PTPRH: variants seen among roughly 807,000 people sequenced by gnomAD.
PTPRH encodes the protein protein tyrosine phosphatase receptor type H, also known as receptor-type tyrosine-protein phosphatase H.
PTPRH carries 113 observed loss-of-function variants against 130.2 expected under a neutral mutation model. That is an observed-to-expected ratio of 0.87 (90% CI 0.75 to 1.01). PTPRH has a LOEUF of 1.01. Among genes scored for constraint, PTPRH ranks in the 50% least tolerant of loss-of-function variants. The probability of loss-of-function intolerance (pLI) is 0.00; values close to 1 mark genes in which losing one functional copy is unlikely to be tolerated. For missense variants in PTPRH, 1,430 were observed against 1,425.0 expected, an observed-to-expected ratio of 1.00 and a Z score of -0.06; for synonymous variants, 556 against 577.9, an observed-to-expected ratio of 0.96 and a Z score of 0.54.
chr19:55,202,365 C>A, intron 5 of PTPRH, 43 bp from the exon 6 acceptor site: 1 of 1,606,296 alleles, frequency 6.2e-7, no homozygotes, highest in African/African-American at 1.3e-5. Flanking sequence ...TAGTTTCTGG[C>A]CCTCAAACTT....
chr19:55,194,592 G>T (rs1478494445), intron 10 of PTPRH, among the ~76,000 whole-genome samples: 1 of 152,098 alleles, frequency 6.6e-6, no homozygotes, highest in Non-Finnish European at 1.5e-5. Flanking sequence ...GAAGCTTATG[G>T]CCATGGTCTT....
rs1600070187 is a variant in PTPRH, at chr19:55,203,186, G to A, written c.886+596C>T. Among the ~76,000 whole-genome samples the A allele has an allele frequency of 2.0e-5, 3 of 151,802 alleles. No homozygotes were observed. In the Middle Eastern group the frequency reaches 0.01, roughly 520 times the overall value. Reference sequence around the variant, plus strand: ...ACTAAAAATACAAAAAATTAGCCAGGTGTGGCGGTGTGCGCCTGTAGTCCC... The same window carrying A: ...ACTAAAAATACAAAAAATTAGCCAGATGTGGCGGTGTGCGCCTGTAGTCCC... On this transcript the variant is annotated intron_variant, in intron 5 of 19. Coordinates refer to ENST00000376350, the MANE Select transcript of PTPRH (RefSeq NM_002842.5).
intron 10 of PTPRH, among the ~76,000 whole-genome samples, chr19:55,192,225 AC>A (rs1255801289): frequency 2.6e-5 from 4 of 151,884 alleles, no homozygotes; most frequent in African/African-American, 9.7e-5. Flanking sequence ...ACACGGTGAA[AC>A]CCCATCTCCA....
chr19:55,187,549 T>C lies in PTPRH; in HGVS notation c.2530A>G (p.Asn844Asp), dbSNP rs544295353. 50 of 1,612,906 alleles carry C rather than the reference T, an allele frequency of 3.1e-5. 1 individual carries two copies. In the South Asian group the frequency reaches 5.2e-4, roughly 17 times the overall value. ...QSQMVASASE[N>D]NAKNRYRNVL... The stretch of plus-strand genomic sequence containing the variant: ...TTTCTGTAGCGGTTCTTGGCGTTGT[T>C]CTCTGAAGCCGAAGCCACCATCTGA... The change falls in exon 14 of 20, where the codon AAC (asparagine) becomes GAC (aspartate). Residue 844 changes from asparagine to aspartate, a missense_variant. Asn to Asp is a conservative substitution (Grantham distance 23, BLOSUM62 1). Transcript: ENST00000376350.
chr19:55,181,982 C>A (rs1311026424), intron 19 of PTPRH, 34 bp downstream of exon 19: 4 of 1,613,626 alleles, frequency 2.5e-6, no homozygotes, highest in Non-Finnish European at 3.4e-6. Flanking sequence ...CGTCCCACTG[C>A]CTCCCGTCCT....
At chr19:55,200,956 A>ACC (rs199822917) in intron 6 of PTPRH, among the ~76,000 whole-genome samples, 1 of 115,246 alleles carries the variant, frequency 8.7e-6, no homozygotes, top group African/African-American at 4.1e-5. Flanking sequence ...ACAAACAAAA[A>ACC]AAACAAACAA....
intron 8 of PTPRH, among the ~76,000 whole-genome samples, chr19:55,197,780 T>A (rs572982251): frequency 6.6e-6 from 1 of 152,170 alleles, no homozygotes; most frequent in African/African-American, 2.4e-5. Context: ...CCACCTCTCA[T>A]GGCCCTCGAG....
chr19:55,198,546 TG>T, intron 8 of PTPRH, 96 bp downstream of exon 8: 1 of 1,315,028 alleles, frequency 7.6e-7, no homozygotes, highest in Non-Finnish European at 1.0e-6. Flanking sequence ...GAGAGGCCCA[TG>T]GGTACTCTTC....
At chr19:55,203,074 A>G (rs1223898611) in intron 5 of PTPRH, among the ~76,000 whole-genome samples, 1 of 151,646 alleles carries the variant, frequency 6.6e-6, no homozygotes, top group Non-Finnish European at 1.5e-5. Flanking sequence ...CACGCCTGTA[A>G]TCCCAGCACT....
Position 55,201,313 on chromosome 19 carries a change from G to A in PTPRH, c.1153+743C>T, listed in dbSNP as rs116151852. 5.1e-3 allele frequency among the ~76,000 whole-genome samples: 779 copies of A among 151,894 alleles called. 9 individuals carry two copies. The highest frequency in any genetic ancestry group is 0.017 in the African/African-American group (720 of 41,420). On this transcript the variant is annotated intron_variant, in intron 6 of 19. Transcript: ENST00000376350. ...GATTGCTTCAGCCCAGGAATTTGAG[G>A]CTGCAGCGAGCTACGATCCTGCCAC...
intron 17 of PTPRH, 99 bp from the exon 18 acceptor site, chr19:55,185,761 C>T: frequency 1.2e-6 from 2 of 1,600,582 alleles, no homozygotes; most frequent in South Asian, 1.1e-5. Flanking sequence ...TGCAGCTCCT[C>T]AGAGGAGTGG....
intron 1 of PTPRH, chr19:55,207,403 C>G (rs930596145): frequency 3.5e-6 from 2 of 576,788 alleles, no homozygotes; most frequent in East Asian, 5.8e-5. Flanking sequence ...AGGAGCAGAG[C>G]TTAGGGAGCT....
chr19:55,194,239 A>C, intron 10 of PTPRH: 1 of 1,289,800 alleles, frequency 7.8e-7, no homozygotes, highest in Non-Finnish European at 1.0e-6. Flanking sequence ...GGGTAGGCTC[A>C]AGCCTATGGC....
In PTPRH at chr19:55,205,327, T is replaced by C; in HGVS notation, c.618A>G (p.Thr206=). Reference sequence around the variant, plus strand: ...AAACAAATGGCGACTGCCTCTCACCTGTGGTGGCATTTCGAGTCTCCCGGG... The same window carrying C: ...AAACAAATGGCGACTGCCTCTCACCCGTGGTGGCATTTCGAGTCTCCCGGG... ...NSSRETRNAT[T]AHNPVRNLRV... Residue 206 remains threonine (T), a splice_region_variant and synonymous_variant, in exon 4 of 20, where the codon ACA becomes ACG. Coordinates refer to ENST00000376350, the MANE Select transcript of PTPRH (RefSeq NM_002842.5). 6.2e-7 allele frequency: 1 copy of C among 1,614,226 alleles called. No homozygotes were observed. The highest frequency in any genetic ancestry group is 8.5e-7 in the Non-Finnish European group (1 of 1,180,032).
At chr19:55,201,984 A>G in intron 6 of PTPRH, 72 bp downstream of exon 6, 1 of 1,577,938 alleles carries the variant, frequency 6.3e-7, no homozygotes, top group Non-Finnish European at 8.6e-7. Context: ...TGGAATAGAC[A>G]ATCGTCTACA....
chr19:55,204,100 G>A (rs762011492), intron 4 of PTPRH, 52 bp from the exon 5 acceptor site: 140 of 1,507,770 alleles, frequency 9.3e-5, no homozygotes, highest in African/African-American at 2.0e-4. Flanking sequence ...AGAACATAAC[G>A]GGGGCAGCCA....
chr19:55,201,377 T>TA (rs1007567574), intron 6 of PTPRH, among the ~76,000 whole-genome samples: 2 of 151,730 alleles, frequency 1.3e-5, no homozygotes, highest in African/African-American at 4.8e-5. Context: ...ACTCCAGCTC[T>TA]AAAAAAAAGA....
intron 3 of PTPRH, 140 bp downstream of exon 3, chr19:55,206,549 T>C: frequency 2.8e-5 from 25 of 895,090 alleles, no homozygotes; most frequent in Non-Finnish European, 3.8e-5. Context: ...ATGTGGCTGA[T>C]AGAAAATTGA....
Position 55,197,176 on chromosome 19 carries a change from G to T in PTPRH, c.1931C>A (p.Thr644Asn), listed in dbSNP as rs369557618. 3 of 1,614,132 alleles carry T rather than the reference G, an allele frequency of 1.9e-6. No individual in the cohort carries two copies. The African/African-American group carries it at 4.0e-5, about 22-fold the overall frequency. ...ALEPGTLYNF[T>N]VWAERNDVAS... ...TACGTCATTCCTCTCTGCCCACACG[G>T]TGAAATTGTACAACGTCCCGGGTTC... The change falls in exon 9 of 20, where the codon ACC (threonine) becomes AAC (asparagine). Residue 644 changes from threonine to asparagine, a missense_variant. Coordinates refer to ENST00000376350, the MANE Select transcript of PTPRH (RefSeq NM_002842.5).
Sources: gnomAD v4.1 joint callset for allele counts (sites outside exome capture counted in the v4.1 genomes callset) on GRCh38, gnomAD v4.1.1 for gene constraint, MANE v1.5 for transcripts, NCBI Gene and HGNC (gene_info 2026-07-23, HGNC 2026-07-21) for gene names.